The following VIT variants were observed in gnomAD, a reference collection of about 807,000 sequenced individuals.
The protein encoded by VIT is vitrin.
In VIT, 99 loss-of-function variants were observed where a neutral mutation model predicts 78.0. The ratio of observed to expected loss-of-function variants is 1.27; its 90% confidence interval spans 1.08 to 1.50. VIT has a LOEUF of 1.50. Ranked by LOEUF, VIT falls within the 40% of genes most tolerant of loss-of-function variation. The pLI is 0.00. For synonymous variants in VIT, 374 were observed against 334.3 expected, an observed-to-expected ratio of 1.12 and a Z score of -1.29; for missense variants, 1,126 against 875.3, an observed-to-expected ratio of 1.29 and a Z score of -3.61.
At chr2:36,708,110 T>TCCCCCCCCCCCCCCCCCCCCCACCC (rs141908586) in intron 1 of VIT, among the ~76,000 whole-genome samples, 1 of 137,788 alleles carries the variant, frequency 7.3e-6, no homozygotes, top group Non-Finnish European at 1.6e-5. Flanking sequence ...GTAAAGGACC[T>TCCCCCCCCCCCCCCCCCCCCCACCC]CCCCCCCCCG....
chr2:36,787,302 C>T, intron 12 of VIT, 26 bp downstream of exon 12: 2 of 1,596,450 alleles, frequency 1.3e-6, no homozygotes, highest in Non-Finnish European at 1.7e-6. Flanking sequence ...GTTCTGAATC[C>T]AGAAAGGAAG....
intron 12 of VIT, among the ~76,000 whole-genome samples, chr2:36,796,830 G>A (rs1038721293): frequency 9.2e-5 from 14 of 152,120 alleles, no homozygotes; most frequent in East Asian, 1.9e-4. Flanking sequence ...GATGAGCAAC[G>A]TTTAATTTAT....
Position 36,767,146 on chromosome 2 carries a change from G to A in VIT, c.540G>A (p.Gln180=). Reference sequence around the variant, plus strand: ...CACCTATTCCAGGGACAACTGCACAGCCGGTCACTCTGATGCAGCTTCTGG... The same window carrying A: ...CACCTATTCCAGGGACAACTGCACAACCGGTCACTCTGATGCAGCTTCTGG... The part of the protein sequence containing the change: ...QRPPIPGTTA[Q]PVTLMQLLAV... The change falls in exon 7 of 16, where the codon CAG becomes CAA. Residue 180 remains glutamine (Q), a synonymous_variant. Transcript: ENST00000379242. 1 of 1,609,074 alleles carries A rather than the reference G, an allele frequency of 6.2e-7. No individual in the cohort carries two copies. Among genetic ancestry groups the A allele is most frequent in the Non-Finnish European group, 8.5e-7 (1 of 1,177,982 alleles).
chr2:36,749,333 G>A (rs1277429144), intron 4 of VIT, among the ~76,000 whole-genome samples: 2 of 152,130 alleles, frequency 1.3e-5, no homozygotes, highest in African/African-American at 2.4e-5. Flanking sequence ...TCAGCTGTTG[G>A]TCTAGGATGC....
At chr2:36,801,429 A>G (rs1265469292) in intron 13 of VIT, 25 bp downstream of exon 13, 1 of 1,552,366 alleles carries the variant, frequency 6.4e-7, no homozygotes, top group Non-Finnish European at 8.9e-7. Context: ...TTCAAATTAT[A>G]CTATCTTGCT....
intron 4 of VIT, among the ~76,000 whole-genome samples, chr2:36,753,876 G>A (rs902676605): frequency 2.0e-5 from 3 of 152,164 alleles, no homozygotes; most frequent in African/African-American, 2.4e-5. Context: ...GACAAACTGA[G>A]GACTTAAGGT....
intron 3 of VIT, among the ~76,000 whole-genome samples, chr2:36,733,591 T>C (rs369290919): frequency 8.5e-5 from 13 of 152,300 alleles, no homozygotes; most frequent in East Asian, 3.9e-4. Flanking sequence ...ACACAACTTG[T>C]GAGTAAGCAT....
intron 1 of VIT, among the ~76,000 whole-genome samples, chr2:36,707,663 T>C (rs1665516672): frequency 6.6e-6 from 1 of 152,108 alleles, no homozygotes; most frequent in African/African-American, 2.4e-5. Flanking sequence ...CAAATCGGGA[T>C]TCTGTTAGGA....
chr2:36,786,313 G>A (rs1474339014), intron 11 of VIT, among the ~76,000 whole-genome samples: 1 of 152,182 alleles, frequency 6.6e-6, no homozygotes, highest in African/African-American at 2.4e-5. Context: ...TGAATAGTCA[G>A]TTTTATACTG....
At chr2:36,723,773 G>A (rs985697341) in intron 2 of VIT, among the ~76,000 whole-genome samples, 1 of 151,982 alleles carries the variant, frequency 6.6e-6, no homozygotes, top group African/African-American at 2.4e-5. Flanking sequence ...GTAACATAGT[G>A]AGGCTCTGTC....
At chr2:36,748,151 C>T (rs780599536) in intron 4 of VIT, among the ~76,000 whole-genome samples, 1 of 152,106 alleles carries the variant, frequency 6.6e-6, no homozygotes, top group Non-Finnish European at 1.5e-5. Context: ...ACCTTTAAGA[C>T]GTTTTTCTTT....
Position 36,813,051 on chromosome 2 carries a change from A to T in VIT, c.1904-1132A>T, listed in dbSNP as rs934727247. On this transcript the variant is annotated intron_variant, in intron 15 of 15. Transcript: ENST00000379242. ...TAATTTTTTGCAAAAAAAAAAAAAAAAAAAATAGGATTTTTTGTGACCTCG... is the reference window on the plus strand; with the variant it reads ...TAATTTTTTGCAAAAAAAAAAAAAATAAAAATAGGATTTTTTGTGACCTCG... Among the ~76,000 whole-genome samples the T allele has an allele frequency of 1.9e-4, 29 of 150,076 alleles. 1 individual carries two copies. Among genetic ancestry groups the T allele is most frequent in the Admixed American group, 1.5e-3 (22 of 15,144 alleles).
intron 7 of VIT, among the ~76,000 whole-genome samples, chr2:36,770,127 C>T (rs1669658940): frequency 6.6e-6 from 1 of 152,160 alleles, no homozygotes; most frequent in Non-Finnish European, 1.5e-5. Context: ...TCAAGCAAAA[C>T]CTAATTCACT....
chr2:36,735,135 G>A (rs1401178544), intron 3 of VIT, among the ~76,000 whole-genome samples: 1 of 151,846 alleles, frequency 6.6e-6, no homozygotes, highest in Non-Finnish European at 1.5e-5. Context: ...CTCTCCAGCC[G>A]GGGCAACAGA....
intron 1 of VIT, among the ~76,000 whole-genome samples, chr2:36,701,768 A>G (rs1001022542): frequency 6.6e-6 from 1 of 152,196 alleles, no homozygotes; most frequent in Non-Finnish European, 1.5e-5. Flanking sequence ...ATAAAGGTGC[A>G]AGTTAACTTG....
At chr2:36,726,858 A>AGAGGCTGT (rs1196996976) in intron 2 of VIT, among the ~76,000 whole-genome samples, 1 of 149,452 alleles carries the variant, frequency 6.7e-6, no homozygotes, top group Non-Finnish European at 1.5e-5. Context: ...ACCTCAGAAG[A>AGAGGCTGT]GAGGCTGTCT....
intron 15 of VIT, among the ~76,000 whole-genome samples, chr2:36,813,586 G>A (rs1315656635): frequency 6.6e-6 from 1 of 152,136 alleles, no homozygotes; most frequent in Non-Finnish European, 1.5e-5. Flanking sequence ...CACATGCTGG[G>A]GACCATCTCT....
intron 1 of VIT, among the ~76,000 whole-genome samples, chr2:36,708,278 C>A (rs1451356451): frequency 6.6e-6 from 1 of 152,146 alleles, no homozygotes; most frequent in Non-Finnish European, 1.5e-5. Flanking sequence ...GGATTTTTGG[C>A]ATTTTGGAAA....
chr2:36,801,408 T>C lies in VIT; in HGVS notation c.1162+4T>C. ...AGAGGAGGACTTTCTAATGTAGGTA[T>C]GTGATCCGGATTCAAATTATACTAT... On this transcript the variant is annotated splice_donor_region_variant and intron_variant, in intron 13 of 15. Transcript: ENST00000379242. 6.2e-7 allele frequency: 1 copy of C among 1,601,722 alleles called. No individual in the cohort carries two copies. Among genetic ancestry groups the C allele is most frequent in the Non-Finnish European group, 8.6e-7 (1 of 1,169,144 alleles).
Sources: allele counts gnomAD v4.1 joint callset (sites outside exome capture counted in the v4.1 genomes callset), GRCh38; gene constraint gnomAD v4.1.1; transcripts MANE v1.5; gene names NCBI Gene and HGNC (gene_info 2026-07-23, HGNC 2026-07-21).